Variants in PMM2 observed in about 807,000 individuals in gnomAD.
PMM2 encodes phosphomannomutase 2.
PMM2 carries 35 observed loss-of-function variants against 33.2 expected under a neutral mutation model. The observed-to-expected ratio is 1.06, with a 90% CI of 0.81 to 1.40. The LOEUF (loss-of-function observed/expected upper bound fraction) is 1.40. Among genes scored for constraint, PMM2 ranks in the 40% most tolerant of loss-of-function variants. PMM2 has a pLI of 0.00. For missense variants in PMM2, 386 were observed against 306.0 expected, an observed-to-expected ratio of 1.26 and a Z score of -1.95; for synonymous variants, 153 against 114.7, an observed-to-expected ratio of 1.33 and a Z score of -2.13.
At chr16:8,822,306 A>G (rs1421417922) in intron 7 of PMM2, among the ~76,000 whole-genome samples, 1 of 152,192 alleles carries the variant, frequency 6.6e-6, no homozygotes, top group East Asian at 1.9e-4. Flanking sequence ...AGGGTCTACA[A>G]AATATCTCAG....
chr16:8,812,224 A>G (rs1380870635), intron 6 of PMM2, among the ~76,000 whole-genome samples: 1 of 152,222 alleles, frequency 6.6e-6, no homozygotes, highest in East Asian at 1.9e-4. Context: ...CAAGTTCACA[A>G]AGCTGTTGTT....
chr16:8,802,309 C>T (rs760547577), intron 2 of PMM2: 7 of 455,682 alleles, frequency 1.5e-5, no homozygotes, highest in East Asian at 1.4e-4. Flanking sequence ...CACAGGACCC[C>T]GAAAAACCAG....
intron 7 of PMM2, chr16:8,832,597 A>G: frequency 1.0e-6 from 1 of 985,348 alleles, no homozygotes; most frequent in Non-Finnish European, 1.2e-6. Context: ...TTCCCAGGTA[A>G]TGGCCTCTGT....
rs62033469 is a variant in PMM2 at position 8,835,980 on chromosome 16, G to A, written c.640-11744G>A. Among the ~76,000 whole-genome samples the A allele has an allele frequency of 4.4e-3, 651 of 148,452 alleles. 6 individuals are homozygous for A. The highest frequency in any genetic ancestry group is 6.6e-3 in the Admixed American group (98 of 14,804). ...TACTCAGGGAAGCAGATAATTTAAA[G>A]TGTCTCGGCCTAATAAGGGAACTGG... is the stretch of plus-strand genomic sequence containing the variant. On this transcript the variant is annotated intron_variant, in intron 7 of 7. Transcript: ENST00000268261.
intron 7 of PMM2, among the ~76,000 whole-genome samples, chr16:8,836,004 G>A (rs1021451921): frequency 4.8e-5 from 3 of 63,054 alleles, no homozygotes. Flanking sequence ...TAAGGGAACT[G>A]GGCAGGTGGG....
intron 2 of PMM2, among the ~76,000 whole-genome samples, chr16:8,803,656 G>A (rs2060628203): frequency 6.6e-6 from 1 of 152,098 alleles, no homozygotes; most frequent in African/African-American, 2.4e-5. Context: ...CTGATTATAA[G>A]AATCACTGAA....
In PMM2 at chr16:8,848,012, C is replaced by G. The variant is rs537906505; in HGVS notation, c.*187C>G. 2 of 604,714 alleles carry G rather than the reference C, an allele frequency of 3.3e-6. No homozygotes were observed. The highest frequency in any genetic ancestry group is 2.8e-5 in the East Asian group (1 of 35,412). 37.5% of individuals were successfully genotyped at this position (604,714 alleles called of 1,614,324 possible). ...GAAACTTCCAGAAGGAAGGAGAAAA[C>G]TCTTGTCAAGAATGGCCCAGAGGAA... is the stretch of plus-strand genomic sequence containing the variant. On this transcript the variant is annotated 3_prime_UTR_variant, in exon 8 of 8. Transcript: ENST00000268261.
chr16:8,849,085 C>T lies in PMM2; in HGVS notation c.*1260C>T, dbSNP rs886052471. ...TGGGGCCAGGGGAGCCCAGGCTGCC[C>T]TGCACTCCTGCCTCCCAGCCCACAG... On this transcript the variant is annotated 3_prime_UTR_variant, in exon 8 of 8. Coordinates refer to ENST00000268261, the MANE Select transcript of PMM2 (RefSeq NM_000303.3). 1.3e-5 allele frequency: 2 copies of T among 152,324 alleles called. No homozygotes were observed. The highest frequency in any genetic ancestry group is 2.4e-5 in the African/African-American group (1 of 41,448). The allele number at this position is 152,324 out of a possible 1,614,324, so 9.4% of individuals were successfully genotyped here. A position where few individuals can be genotyped will look rare whatever the true frequency, so the allele number is the denominator to read the frequency against.
rs375184330 is a variant in PMM2, at chr16:8,812,978, C to G, written c.524-13C>G. On this transcript the variant is annotated splice_polypyrimidine_tract_variant and intron_variant, in intron 6 of 7. Transcript: ENST00000268261. ...CACCTTTTGCCTTTGTGTGCCCCGTCCCCACCCGGCAGGAGGCCAGATCAG... is the reference window on the plus strand; with the variant it reads ...CACCTTTTGCCTTTGTGTGCCCCGTGCCCACCCGGCAGGAGGCCAGATCAG... 2 of 1,499,028 alleles carry G rather than the reference C, an allele frequency of 1.3e-6. No individual in the cohort carries two copies. The highest frequency in any genetic ancestry group is 2.7e-5 in the African/African-American group (2 of 72,866). 92.9% of individuals were successfully genotyped at this position (1,499,028 alleles called of 1,614,324 possible).
chr16:8,819,689 C>T (rs1446032334), intron 7 of PMM2, among the ~76,000 whole-genome samples: 2 of 133,100 alleles, frequency 1.5e-5, no homozygotes, highest in African/African-American at 2.8e-5. Flanking sequence ...AGCGAGACCT[C>T]GTCTCTTAAA....
intron 2 of PMM2, chr16:8,802,155 T>C: frequency 3.9e-6 from 2 of 506,664 alleles, no homozygotes; most frequent in Non-Finnish European, 7.7e-6. Flanking sequence ...GGTCAGTGGC[T>C]GTATCTGCAC....
At position 8,822,705 on chromosome 16, in the gene PMM2, G is replaced by A. The variant is rs557143950; in HGVS notation, c.639+9599G>A. Among the ~76,000 whole-genome samples the A allele has an allele frequency of 6.6e-5, 10 of 152,272 alleles. 1 individual carries two copies. In the South Asian group the frequency reaches 1.5e-3, roughly 22 times the overall value. On this transcript the variant is annotated intron_variant, in intron 7 of 7. Coordinates refer to ENST00000268261, the MANE Select transcript of PMM2 (RefSeq NM_000303.3). ...TGAAGATGGGAAAAGAGTGATAACCGCTCTAGCTTCTTTCTGCTGACAGGG... is the reference window on the plus strand; with the variant it reads ...TGAAGATGGGAAAAGAGTGATAACCACTCTAGCTTCTTTCTGCTGACAGGG...
chr16:8,799,874 TTCTG>T (rs1179550361), intron 1 of PMM2, among the ~76,000 whole-genome samples: 5 of 152,176 alleles, frequency 3.3e-5, no homozygotes, highest in African/African-American at 7.2e-5. Context: ...CAATTCTAGA[TTCTG>T]TCTAATAGGT....
At chr16:8,832,382 C>T in intron 7 of PMM2, 2 of 985,410 alleles carry the variant, frequency 2.0e-6, no homozygotes, top group African/African-American at 1.7e-5. Context: ...ATTGATTCTC[C>T]AGACCTAGCT....
intron 7 of PMM2, among the ~76,000 whole-genome samples, chr16:8,818,513 T>G (rs777109482): frequency 2.0e-5 from 3 of 152,158 alleles, no homozygotes; most frequent in Non-Finnish European, 2.9e-5. Context: ...AAGCTGGGGT[T>G]TTTTCCTTTC....
At chr16:8,832,692 A>G (rs1414067150) in intron 7 of PMM2, 2 of 985,362 alleles carry the variant, frequency 2.0e-6, no homozygotes, top group East Asian at 2.3e-4. Flanking sequence ...CTCCAGAAAG[A>G]TCCTGTTGTA....
intron 7 of PMM2, among the ~76,000 whole-genome samples, chr16:8,824,093 C>T (rs1438423844): frequency 6.6e-6 from 1 of 152,154 alleles, no homozygotes; most frequent in Non-Finnish European, 1.5e-5. Context: ...GCAATATGCT[C>T]TAAATTTTGC....
chr16:8,801,043 TA>T lies in PMM2; in HGVS notation c.67-753del, dbSNP rs1018668168. On this transcript the variant is annotated intron_variant, in intron 1 of 7. Transcript: ENST00000268261. ...TTTTAAAATCAACAACTTAAATCCA[TA>T]AATGGAGTATAGTGTAGCATTTAAA... Among the ~76,000 whole-genome samples the T allele has an allele frequency of 8.1e-4, 123 of 152,310 alleles. 4 individuals are homozygous for T. The highest frequency in any genetic ancestry group is 8.0e-3 in the Admixed American group (123 of 15,286).
intron 7 of PMM2, among the ~76,000 whole-genome samples, chr16:8,836,103 A>C (rs1413556548): frequency 6.6e-6 from 1 of 151,818 alleles, no homozygotes; most frequent in South Asian, 2.1e-4. Context: ...CTGGCCGTCA[A>C]TACCCACAAC....
Sources: gnomAD v4.1 joint callset for allele counts (sites outside exome capture counted in the v4.1 genomes callset) on GRCh38, gnomAD v4.1.1 for gene constraint, MANE v1.5 for transcripts, NCBI Gene and HGNC (gene_info 2026-07-23, HGNC 2026-07-21) for gene names.